EFEMP1: variants seen among roughly 807,000 people sequenced by gnomAD.
EFEMP1 encodes EGF-like fibulin extracellular matrix protein 1, also known as EGF-containing fibulin-like extracellular matrix protein 1.
A neutral mutation model predicts 65.7 loss-of-function variants in EFEMP1; 18 were observed. The observed-to-expected ratio is 0.27, with a 90% CI of 0.19 to 0.41. EFEMP1 has a LOEUF of 0.41. Among genes scored for constraint, EFEMP1 ranks in the 10% least tolerant of loss-of-function variants. The probability of loss-of-function intolerance (pLI) is 1.00; values close to 1 mark genes in which losing one functional copy is unlikely to be tolerated. For synonymous variants in EFEMP1, 237 were observed against 219.7 expected, an observed-to-expected ratio of 1.08 and a Z score of -0.70; for missense variants, 469 against 624.8, an observed-to-expected ratio of 0.75 and a Z score of 2.66.
intron 5 of EFEMP1, among the ~76,000 whole-genome samples, chr2:55,908,443 T>TG: frequency 6.6e-6 from 1 of 152,072 alleles, no homozygotes; most frequent in Admixed American, 6.6e-5. Flanking sequence ...AGGGTGAGAA[T>TG]GGGGGGAGAT....
Position 55,867,379 on chromosome 2 carries a change from T to C in EFEMP1, c.1321-145A>G. On this transcript the variant is annotated intron_variant, in intron 11 of 11. Transcript: ENST00000355426. The surrounding 1 kb of genome is among the most constrained non-coding windows in gnomAD (Gnocchi z 4.3). ...GCCACTACTTGGTCCCTTCTTGGTT[T>C]CAACTCTTCTTGGCTCTTATCCCTT... 1.2e-6 allele frequency: 1 copy of C among 831,864 alleles called. No homozygotes were observed. The highest frequency in any genetic ancestry group is 1.8e-5 in the South Asian group (1 of 56,966). 51.5% of individuals were successfully genotyped at this position (831,864 alleles called of 1,614,324 possible). A position where few individuals can be genotyped will look rare whatever the true frequency, so the allele number is the denominator to read the frequency against.
intron 3 of EFEMP1, among the ~76,000 whole-genome samples, chr2:55,920,476 C>G (rs761728923): frequency 3.7e-4 from 56 of 152,202 alleles, no homozygotes; most frequent in Non-Finnish European, 7.5e-4. Flanking sequence ...GTTGAGTAAA[C>G]AGCTGAATGG....
chr2:55,905,657 C>T (rs1200321256), intron 5 of EFEMP1, among the ~76,000 whole-genome samples: 3 of 152,140 alleles, frequency 2.0e-5, no homozygotes, highest in African/African-American at 7.2e-5. Context: ...TCGTGTTGGT[C>T]AGGCTGGTCT....
At chr2:55,901,822 A>T (rs940993326) in intron 5 of EFEMP1, among the ~76,000 whole-genome samples, 1 of 152,022 alleles carries the variant, frequency 6.6e-6, no homozygotes, top group East Asian at 1.9e-4. Flanking sequence ...GTTACTAAAG[A>T]CTCTTAACTT....
At chr2:55,918,601 C>G (rs1462420791) in intron 3 of EFEMP1, among the ~76,000 whole-genome samples, 1 of 143,246 alleles carries the variant, frequency 7.0e-6, no homozygotes, top group East Asian at 1.9e-4. Context: ...TTTTTTCCCA[C>G]ATTGGAAATG....
chr2:55,907,810 A>G (rs1670337622), intron 5 of EFEMP1, among the ~76,000 whole-genome samples: 1 of 152,232 alleles, frequency 6.6e-6, no homozygotes, highest in Non-Finnish European at 1.5e-5. Flanking sequence ...TCCTTGCAAC[A>G]CACAAGGCTG....
rs1669390189 is a variant in EFEMP1, at chr2:55,885,442, T to G, written c.518-3708A>C. Among the ~76,000 whole-genome samples the G allele has an allele frequency of 6.6e-6, 1 of 152,152 alleles. No individual in the cohort carries two copies. ...ATTAGAGAGTCTGGATTGAACAACA[T>G]AAGGAGTCTCTCTGAACTATGTAGA... On this transcript the variant is annotated intron_variant, in intron 5 of 11. Coordinates refer to ENST00000355426, the MANE Select transcript of EFEMP1 (RefSeq NM_001039348.3). The surrounding 1 kb of genome is among the most constrained non-coding windows in gnomAD (Gnocchi z 4.3).
intron 6 of EFEMP1, among the ~76,000 whole-genome samples, chr2:55,880,865 G>A (rs1201687697): frequency 6.6e-6 from 1 of 152,170 alleles, no homozygotes; most frequent in Non-Finnish European, 1.5e-5. Context: ...ATCACATGGT[G>A]GGCACACTTC....
chr2:55,892,965 T>G (rs1459154443), intron 5 of EFEMP1, among the ~76,000 whole-genome samples: 1 of 152,178 alleles, frequency 6.6e-6, no homozygotes, highest in African/African-American at 2.4e-5. Flanking sequence ...ATTGAGCAAT[T>G]CAGATTGTTA....
At chr2:55,892,575 A>G (rs1669670877) in intron 5 of EFEMP1, among the ~76,000 whole-genome samples, 1 of 152,184 alleles carries the variant, frequency 6.6e-6, no homozygotes, top group Non-Finnish European at 1.5e-5. Flanking sequence ...ATGAATAGAA[A>G]GTTCTCTTCA....
intron 9 of EFEMP1, among the ~76,000 whole-genome samples, chr2:55,872,565 G>A (rs1668852972): frequency 6.6e-6 from 1 of 152,086 alleles, no homozygotes; most frequent in Non-Finnish European, 1.5e-5. Flanking sequence ...TGATATGGAT[G>A]AAAAACAAAT....
At chr2:55,899,658 TCA>T (rs1334609371) in intron 5 of EFEMP1, among the ~76,000 whole-genome samples, 1 of 152,188 alleles carries the variant, frequency 6.6e-6, no homozygotes, top group Non-Finnish European at 1.5e-5. Flanking sequence ...ACATAATCTC[TCA>T]GTTGAGCCCT....
intron 5 of EFEMP1, among the ~76,000 whole-genome samples, chr2:55,913,010 A>C (rs1670537503): frequency 6.6e-6 from 1 of 152,208 alleles, no homozygotes; most frequent in East Asian, 1.9e-4. Flanking sequence ...TGGGATCCCG[A>C]CAACTGCAAA....
intron 5 of EFEMP1, among the ~76,000 whole-genome samples, chr2:55,913,677 A>G (rs936444994): frequency 1.3e-5 from 2 of 151,824 alleles, no homozygotes; most frequent in African/African-American, 4.8e-5. Context: ...TCTCAACTTC[A>G]TCTAGTGATT....
rs781431276 is a variant in EFEMP1, at chr2:55,881,690, G to C, written c.562C>G (p.Gln188Glu). Residue 188 changes from glutamine (Q) to glutamate (E), a missense_variant, in exon 6 of 12, where the codon CAA (glutamine) becomes GAA (glutamate). Physicochemically the swap from Gln to Glu is conservative, Grantham distance 29 (BLOSUM62 2). This residue lies in a region of EFEMP1 where 399 missense variants were observed against 528.2 expected (regional missense o/e 0.76). Coordinates refer to ENST00000355426, the MANE Select transcript of EFEMP1 (RefSeq NM_001039348.3). ...TAGTHNCRAD[Q>E]VCINLRGSFA... ...GATCCCCGTAAATTGATGCACACTT[G>C]GTCTGCTCTACAGTTGTGCGTCCCT... is the stretch of plus-strand genomic sequence containing the variant. The C allele has an allele frequency of 6.2e-7, 1 of 1,613,914 alleles. No individual in the cohort carries two copies. The highest frequency in any genetic ancestry group is 8.5e-7 in the Non-Finnish European group (1 of 1,179,886).
intron 3 of EFEMP1, among the ~76,000 whole-genome samples, chr2:55,920,655 A>C (rs1187835335): frequency 6.6e-6 from 1 of 152,240 alleles, no homozygotes. Context: ...CTAGACATTT[A>C]ATGTCAGTGT....
At chr2:55,887,369 A>G (rs116306879) in intron 5 of EFEMP1, among the ~76,000 whole-genome samples, 1 of 152,134 alleles carries the variant, frequency 6.6e-6, no homozygotes, top group Non-Finnish European at 1.5e-5. Context: ...CAGCACCTTG[A>G]TTCCTCCCTT....
intron 5 of EFEMP1, among the ~76,000 whole-genome samples, chr2:55,897,205 C>T (rs907700910): frequency 1.3e-5 from 2 of 152,140 alleles, no homozygotes; most frequent in African/African-American, 4.8e-5. Context: ...GTATTCTCAG[C>T]ACCCACTATG....
rs1241451254 is a variant in EFEMP1, at chr2:55,923,673, G to A, written c.-49+38C>T. On this transcript the variant is annotated intron_variant, in intron 1 of 11. Coordinates refer to ENST00000355426, the MANE Select transcript of EFEMP1 (RefSeq NM_001039348.3). The surrounding 1 kb of genome is among the most constrained non-coding windows in gnomAD (Gnocchi z 5.3). ...TCCCGCGCGCGGCCCAGTGAGTACTGGGCTCGCTCGGGGCGACCCCCCGTT... is the reference window on the plus strand; with the variant it reads ...TCCCGCGCGCGGCCCAGTGAGTACTAGGCTCGCTCGGGGCGACCCCCCGTT... 1.0e-6 allele frequency: 1 copy of A among 985,684 alleles called. No homozygotes were observed. The highest frequency in any genetic ancestry group is 1.7e-5 in the African/African-American group (1 of 57,190). 61.1% of individuals were successfully genotyped at this position (985,684 alleles called of 1,614,324 possible). A position where few individuals can be genotyped will look rare whatever the true frequency, so the allele number is the denominator to read the frequency against.
Sources: gnomAD v4.1 joint callset for allele counts (sites outside exome capture counted in the v4.1 genomes callset) on GRCh38, gnomAD v4.1.1 for gene constraint, gnomAD v4.1.1 regional missense constraint, Gnocchi (gnomAD v3.1) non-coding constraint, MANE v1.5 for transcripts, NCBI Gene and HGNC (gene_info 2026-07-23, HGNC 2026-07-21) for gene names.